The following CADM1 variants were observed in gnomAD, a reference collection of about 807,000 sequenced individuals.
CADM1 encodes cell adhesion molecule 1, also known as TSLC-1.
A neutral mutation model predicts 53.1 loss-of-function variants in CADM1; 15 were observed. The ratio of observed to expected loss-of-function variants is 0.28; its 90% CI spans 0.19 to 0.44. The LOEUF is 0.44. CADM1 is among the 20% of genes least tolerant of loss of function. The pLI, the probability that CADM1 is intolerant of heterozygous loss-of-function variation, is 1.00. For missense variants in CADM1, 434 were observed against 611.3 expected (o/e 0.71, Z 3.06); for synonymous variants, 281 against 243.0 (o/e 1.16, Z -1.45).
chr11:115,424,867 A>G (rs1345671621), intron 1 of CADM1, among the ~76,000 whole-genome samples: 1 of 152,184 alleles, frequency 6.6e-6, no homozygotes, highest in Non-Finnish European at 1.5e-5. Flanking sequence ...CAACAACAAC[A>G]AAACCCATGA....
At chr11:115,264,901 G>T (rs1014448890) in intron 1 of CADM1, among the ~76,000 whole-genome samples, 6 of 152,140 alleles carry the variant, frequency 3.9e-5, no homozygotes, top group African/African-American at 7.2e-5. Context: ...AATGGGGAAG[G>T]AGAGTCTACT....
chr11:115,354,449 T>C (rs907195167), intron 1 of CADM1, among the ~76,000 whole-genome samples: 1 of 152,066 alleles, frequency 6.6e-6, no homozygotes, highest in Non-Finnish European at 1.5e-5. Flanking sequence ...GACCTGGAAA[T>C]AAACTGGACA....
At position 115,500,301 on chromosome 11, in the gene CADM1, G is replaced by C. The variant is rs533870559; in HGVS notation, c.124+3970C>G. 2.7e-3 allele frequency among the ~76,000 whole-genome samples: 412 copies of C among 151,064 alleles called. 1 individual carries two copies. The highest frequency in any genetic ancestry group is 6.0e-3 in the Admixed American group (91 of 15,170). Reference sequence around the variant, plus strand: ...TAAAATGCACCTTTTGCTAAAAACAGACACACACACACACACAAAATCATT... The same window carrying C: ...TAAAATGCACCTTTTGCTAAAAACACACACACACACACACACAAAATCATT... On this transcript the variant is annotated intron_variant, in intron 1 of 11. Coordinates refer to ENST00000331581, the MANE Select transcript of CADM1 (RefSeq NM_001301043.2).
At chr11:115,260,453 G>A (rs921332115) in intron 1 of CADM1, among the ~76,000 whole-genome samples, 1 of 152,198 alleles carries the variant, frequency 6.6e-6, no homozygotes, top group Non-Finnish European at 1.5e-5. Context: ...GGTAATATGT[G>A]GCCAGTGGGC....
intron 1 of CADM1, among the ~76,000 whole-genome samples, chr11:115,244,164 C>T (rs1440096523): frequency 6.6e-6 from 1 of 152,172 alleles, no homozygotes; most frequent in Non-Finnish European, 1.5e-5. Flanking sequence ...TGTTAGGGCA[C>T]TCATCACAAT....
chr11:115,456,093 T>C (rs1948678160), intron 1 of CADM1, among the ~76,000 whole-genome samples: 1 of 152,148 alleles, frequency 6.6e-6, no homozygotes, highest in African/African-American at 2.4e-5. Context: ...ATAATCTTAA[T>C]AGTTTCCAGC....
At chr11:115,371,294 T>A (rs1472884004) in intron 1 of CADM1, among the ~76,000 whole-genome samples, 1 of 152,080 alleles carries the variant, frequency 6.6e-6, no homozygotes, top group Non-Finnish European at 1.5e-5. Flanking sequence ...ACAGAAAGGC[T>A]GAGAGAGGAA....
chr11:115,443,009 ATGCCAAGGCATACATC>A (rs1487718829), intron 1 of CADM1, among the ~76,000 whole-genome samples: 1 of 152,250 alleles, frequency 6.6e-6, no homozygotes, highest in Admixed American at 6.5e-5. Context: ...CTCTAAGCAT[ATGCCAAGGCATACATC>A]TGAAGAAAAT....
intron 1 of CADM1, among the ~76,000 whole-genome samples, chr11:115,469,688 T>C (rs922369152): frequency 3.3e-5 from 5 of 149,490 alleles, no homozygotes; most frequent in Non-Finnish European, 5.9e-5. Flanking sequence ...TTTTTTTTTT[T>C]CGAGACAGAG....
intron 9 of CADM1, 141 bp from the exon 10 acceptor site, chr11:115,191,082 TCCA>T: frequency 1.5e-6 from 1 of 673,346 alleles, no homozygotes; most frequent in Non-Finnish European, 2.5e-6. Context: ...AATGTATTAA[TCCA>T]TAAGTACATT....
rs56766047 is a variant in CADM1 at position 115,289,593 on chromosome 11, C to CT, written c.125-49174dup. On this transcript the variant is annotated intron_variant, in intron 1 of 11. Coordinates refer to ENST00000331581, the MANE Select transcript of CADM1 (RefSeq NM_001301043.2). ...AAGGAACTGAATTTTCTTTTTTTTT[C>CT]TTTTTTTTTTTTTTTTTTTTGAGAC... Among the ~76,000 whole-genome samples the CT allele has an allele frequency of 5.7e-3, 623 of 108,974 alleles. 8 individuals are homozygous for CT. The highest frequency in any genetic ancestry group is 7.1e-3 in the Non-Finnish European group (371 of 52,528). The allele number at this position is 108,974 out of a possible 152,430, so 71.5% of individuals were successfully genotyped here.
At chr11:115,273,582 G>A (rs1022292822) in intron 1 of CADM1, among the ~76,000 whole-genome samples, 58 of 152,064 alleles carry the variant, frequency 3.8e-4, no homozygotes, top group African/African-American at 1.2e-3. Context: ...TACCTTAAAT[G>A]CCAGTTACAA....
intron 1 of CADM1, among the ~76,000 whole-genome samples, chr11:115,462,841 CT>C: frequency 6.6e-6 from 1 of 152,226 alleles, no homozygotes; most frequent in East Asian, 1.9e-4. Context: ...CTAGACCATC[CT>C]CTTTTAAAAG....
rs140609216 is a variant in CADM1, at chr11:115,417,633, C to T, written c.124+86638G>A. ...TAGTGAGAGACCACCAGGCAGGTGG[C>T]GTACACGGTGTGGAGATGCTGGACA... On this transcript the variant is annotated intron_variant, in intron 1 of 11. Transcript: ENST00000331581. Among the ~76,000 whole-genome samples, 5 of 152,288 alleles carry T rather than the reference C, an allele frequency of 3.3e-5. No individual in the cohort carries two copies. In the East Asian group the frequency reaches 7.7e-4, roughly 24 times the overall value.
At chr11:115,351,349 G>C (rs1012847305) in intron 1 of CADM1, among the ~76,000 whole-genome samples, 1 of 152,146 alleles carries the variant, frequency 6.6e-6, no homozygotes, top group Non-Finnish European at 1.5e-5. Context: ...AAAAGGAAAC[G>C]ACAAATCTGA....
chr11:115,188,277 A>T (rs1034511921), intron 10 of CADM1, among the ~76,000 whole-genome samples: 9 of 152,248 alleles, frequency 5.9e-5, no homozygotes, highest in Admixed American at 6.5e-5. Context: ...CAAAACTCTT[A>T]TGGATCCATC....
chr11:115,223,914 A>T (rs1257799959), intron 5 of CADM1, among the ~76,000 whole-genome samples: 1 of 150,596 alleles, frequency 6.6e-6, no homozygotes. Flanking sequence ...CACTGCTTTA[A>T]AAAAAAAATA....
intron 1 of CADM1, among the ~76,000 whole-genome samples, chr11:115,360,680 C>T (rs1946003792): frequency 6.6e-6 from 1 of 152,146 alleles, no homozygotes; most frequent in Admixed American, 6.6e-5. Flanking sequence ...CTTGTGTGGT[C>T]GTGCTGTCAG....
intron 3 of CADM1, among the ~76,000 whole-genome samples, chr11:115,234,023 C>T (rs996493444): frequency 1.3e-5 from 2 of 152,206 alleles, no homozygotes; most frequent in East Asian, 1.9e-4. Flanking sequence ...GACAGTCCAG[C>T]AGTTGTTAAA....
Sources: allele counts gnomAD v4.1 joint callset (sites outside exome capture counted in the v4.1 genomes callset), GRCh38; gene constraint gnomAD v4.1.1; transcripts MANE v1.5; gene names NCBI Gene and HGNC (gene_info 2026-07-23, HGNC 2026-07-21).